Variants in ADGRV1 observed in about 807,000 individuals in gnomAD.
ADGRV1 encodes the protein G-protein coupled receptor 98.
ADGRV1 carries 359 observed loss-of-function variants against 596.2 expected under a neutral mutation model. That is an observed-to-expected ratio of 0.60 (90% CI 0.55 to 0.66). ADGRV1 has a LOEUF of 0.66. Ranked by LOEUF, ADGRV1 falls within the 30% of genes least tolerant of loss-of-function variation. ADGRV1 has a pLI of 0.00. For synonymous variants in ADGRV1, 2,681 were observed against 2,679.2 expected (o/e 1.00, Z -0.02); for missense variants, 7,274 against 7,575.6 (o/e 0.96, Z 1.48).
At position 90,778,122 on chromosome 5, in the gene ADGRV1, T is replaced by C. The variant is rs1001893727; in HGVS notation, c.12666+79T>C. On this transcript the variant is annotated intron_variant, in intron 62 of 89. Coordinates refer to ENST00000405460, the MANE Select transcript of ADGRV1 (RefSeq NM_032119.4). Reference sequence around the variant, plus strand: ...GCACATGTGTGAGCATATGTGTATGTGTGGGTGTGTTTGTGTGTGTGTGGT... The same window carrying C: ...GCACATGTGTGAGCATATGTGTATGCGTGGGTGTGTTTGTGTGTGTGTGGT... The C allele has an allele frequency of 3.5e-6, 5 of 1,438,420 alleles. No homozygotes were observed. The African/African-American group carries it at 7.1e-5, about 21-fold the overall frequency. 89.1% of individuals were successfully genotyped at this position (1,438,420 alleles called of 1,614,324 possible). A position where few individuals can be genotyped will look rare whatever the true frequency, so the allele number is the denominator to read the frequency against.
At chr5:91,062,907 A>T (rs889390504) in intron 85 of ADGRV1, among the ~76,000 whole-genome samples, 2 of 151,082 alleles carry the variant, frequency 1.3e-5, no homozygotes, top group African/African-American at 4.9e-5. Context: ...TAATTAGGTT[A>T]AGCTACTTTA....
Position 90,684,293 on chromosome 5 carries a change from G to A in ADGRV1, c.6274+98G>A, listed in dbSNP as rs559559774. ...TTAATAGAAAATTCTATAAAAAGTAGTAAACTCTAACTTTGAAAATGTCCT... is the reference window on the plus strand; with the variant it reads ...TTAATAGAAAATTCTATAAAAAGTAATAAACTCTAACTTTGAAAATGTCCT... On this transcript the variant is annotated intron_variant, in intron 28 of 89. Transcript: ENST00000405460. 4.3e-5 allele frequency: 50 copies of A among 1,151,704 alleles called. No individual in the cohort carries two copies. The African/African-American group carries it at 6.5e-4, about 15-fold the overall frequency. 71.3% of individuals were successfully genotyped at this position (1,151,704 alleles called of 1,614,324 possible).
intron 75 of ADGRV1, among the ~76,000 whole-genome samples, chr5:90,820,954 T>G (rs144844206): frequency 6.6e-6 from 1 of 151,120 alleles, no homozygotes; most frequent in East Asian, 1.9e-4. Context: ...TGAATCTGAA[T>G]GTTGGCCTGC....
chr5:90,621,218 G>T (rs898704371), intron 4 of ADGRV1, among the ~76,000 whole-genome samples: 1 of 152,112 alleles, frequency 6.6e-6, no homozygotes, highest in East Asian at 1.9e-4. Context: ...AATAAAACAC[G>T]TTGCAATACT....
intron 87 of ADGRV1, among the ~76,000 whole-genome samples, chr5:91,108,706 C>T (rs1252623520): frequency 6.6e-6 from 1 of 152,074 alleles, no homozygotes; most frequent in African/African-American, 2.4e-5. Context: ...GCAATCCTGC[C>T]TCATCCCCAC....
chr5:91,091,098 T>C (rs1369878126), intron 86 of ADGRV1, among the ~76,000 whole-genome samples: 1 of 152,200 alleles, frequency 6.6e-6, no homozygotes, highest in East Asian at 1.9e-4. Context: ...TCTATGGAAA[T>C]CTTAGATAAG....
At position 90,712,323 on chromosome 5, in the gene ADGRV1, GTCAATA is replaced by G; in HGVS notation, c.9083_9088del (p.Asn3028_Ile3029del). On this transcript the variant is annotated inframe_deletion, in exon 42 of 90. Coordinates refer to ENST00000405460, the MANE Select transcript of ADGRV1 (RefSeq NM_032119.4). ...TGCTGATGGAGAAAGGTATAAAAAT[GTCAATA>G]TCATGATTCTTGATGATGACATTCC... 6.4e-7 allele frequency: 1 copy of G among 1,556,722 alleles called. No homozygotes were observed. The highest frequency in any genetic ancestry group is 8.7e-7 in the Non-Finnish European group (1 of 1,147,038).
intron 85 of ADGRV1, among the ~76,000 whole-genome samples, chr5:91,008,346 A>C (rs1782453540): frequency 6.6e-6 from 1 of 152,132 alleles, no homozygotes; most frequent in African/African-American, 2.4e-5. Context: ...TTGGAAAGAG[A>C]TGCATACGGC....
At chr5:90,959,241 C>T (rs190194934) in intron 83 of ADGRV1, among the ~76,000 whole-genome samples, 92 of 150,504 alleles carry the variant, frequency 6.1e-4, no homozygotes, top group African/African-American at 2.1e-3. Context: ...ATATCAATTA[C>T]AATAATATCA....
At chr5:90,736,674 T>C (rs1753266104) in intron 50 of ADGRV1, among the ~76,000 whole-genome samples, 1 of 152,074 alleles carries the variant, frequency 6.6e-6, no homozygotes, top group Admixed American at 6.5e-5. Flanking sequence ...AGGTTTTCTA[T>C]CTCTTCATGA....
At chr5:91,064,608 G>A (rs1179432081) in intron 85 of ADGRV1, among the ~76,000 whole-genome samples, 1 of 152,146 alleles carries the variant, frequency 6.6e-6, no homozygotes, top group Non-Finnish European at 1.5e-5. Context: ...GAGATTATCT[G>A]TAGTTTAATC....
At chr5:90,732,608 A>G (rs1192117370) in intron 50 of ADGRV1, among the ~76,000 whole-genome samples, 1 of 152,014 alleles carries the variant, frequency 6.6e-6, no homozygotes, top group Admixed American at 6.5e-5. Flanking sequence ...AAAATCCCCC[A>G]TTTCTCTCAC....
intron 85 of ADGRV1, among the ~76,000 whole-genome samples, chr5:91,013,727 C>G (rs1352018811): frequency 6.6e-6 from 1 of 151,984 alleles, no homozygotes; most frequent in Admixed American, 6.6e-5. Flanking sequence ...TCACATTTGT[C>G]AATTTTTGCT....
At chr5:91,054,842 C>T (rs1331764207) in intron 85 of ADGRV1, among the ~76,000 whole-genome samples, 1 of 152,134 alleles carries the variant, frequency 6.6e-6, no homozygotes, top group Non-Finnish European at 1.5e-5. Flanking sequence ...AGAACTGCCT[C>T]ATCTTCAAAG....
intron 83 of ADGRV1, among the ~76,000 whole-genome samples, chr5:90,953,151 A>G (rs928703353): frequency 1.3e-5 from 2 of 152,188 alleles, no homozygotes; most frequent in Non-Finnish European, 2.9e-5. Flanking sequence ...TTTGAGTTTC[A>G]GAAGTTTTCG....
In ADGRV1 at chr5:91,019,220, A is replaced by T. The variant is rs556334770; in HGVS notation, c.18152+33698A>T. On this transcript the variant is annotated intron_variant, in intron 85 of 89. Transcript: ENST00000405460. ...GGTCAGTTATGATGAAATCACATGA[A>T]TTTCAAAGGAAATTCTAAACTGCTG... is the stretch of plus-strand genomic sequence containing the variant. Among the ~76,000 whole-genome samples the T allele has an allele frequency of 1.4e-4, 21 of 152,108 alleles. No individual in the cohort carries two copies. The East Asian group carries it at 2.7e-3, about 20-fold the overall frequency.
At chr5:90,813,212 A>G (rs1561786745) in intron 74 of ADGRV1, among the ~76,000 whole-genome samples, 1 of 140,094 alleles carries the variant, frequency 7.1e-6, no homozygotes, top group East Asian at 2.4e-4. Context: ...AGAGACACAG[A>G]TATTTTATTA....
chr5:90,908,905 G>A (rs1027945822), intron 83 of ADGRV1, among the ~76,000 whole-genome samples: 14 of 152,200 alleles, frequency 9.2e-5, no homozygotes, highest in Non-Finnish European at 1.9e-4. Flanking sequence ...TAGGAATTCA[G>A]AGAACGGTGT....
At chr5:90,903,048 AC>A (rs1771994675) in intron 83 of ADGRV1, among the ~76,000 whole-genome samples, 1 of 152,148 alleles carries the variant, frequency 6.6e-6, no homozygotes, top group African/African-American at 2.4e-5. Context: ...GTTTTTATGA[AC>A]CATGTGTAGC....
Sources: allele counts gnomAD v4.1 joint callset (sites outside exome capture counted in the v4.1 genomes callset), GRCh38; gene constraint gnomAD v4.1.1; transcripts MANE v1.5; gene names NCBI Gene and HGNC (gene_info 2026-07-23, HGNC 2026-07-21).